The following FAF1 variants were observed in gnomAD, a reference collection of about 807,000 sequenced individuals.
The protein encoded by FAF1 is FAS-associated factor 1.
In FAF1, 25 loss-of-function variants were observed where a neutral mutation model predicts 92.5. That is an observed-to-expected ratio of 0.27 (90% confidence interval 0.20 to 0.38). The LOEUF (loss-of-function observed/expected upper bound fraction) is 0.38. Among genes scored for constraint, FAF1 ranks in the 10% least tolerant of loss-of-function variants. FAF1 has a pLI of 1.00. For missense variants in FAF1, 636 were observed against 793.3 expected (o/e 0.80, Z 2.38); for synonymous variants, 234 against 273.2 (o/e 0.86, Z 1.42).
At chr1:50,559,251 A>C (rs1450105664) in intron 13 of FAF1, among the ~76,000 whole-genome samples, 1 of 140,792 alleles carries the variant, frequency 7.1e-6, no homozygotes, top group African/African-American at 2.8e-5. Context: ...ACTCCGTCTC[A>C]AAAAAAAAAA....
rs1007078493 is a variant in FAF1, at chr1:50,566,150, C to T, written c.1268+927G>A. Among the ~76,000 whole-genome samples the T allele has an allele frequency of 3.9e-5, 6 of 151,982 alleles. No homozygotes were observed. In the South Asian group the frequency reaches 1.2e-3, roughly 32 times the overall value. On this transcript the variant is annotated intron_variant, in intron 13 of 18. Coordinates refer to ENST00000396153, the MANE Select transcript of FAF1 (RefSeq NM_007051.3). ...ATGAAATAGCTTCAACATTATTTTGCCTCACATTTAAGGAAAGAATCATGT... is the reference window on the plus strand; with the variant it reads ...ATGAAATAGCTTCAACATTATTTTGTCTCACATTTAAGGAAAGAATCATGT...
intron 1 of FAF1, among the ~76,000 whole-genome samples, chr1:50,944,094 A>G (rs12096420): frequency 0.02 from 3,055 of 152,278 alleles, 100 homozygotes; most frequent in African/African-American, 0.071. Context: ...TACCCCACAG[A>G]ATCTGAGTGA....
chr1:50,959,761 C>G lies in FAF1; in HGVS notation c.45+6G>C, dbSNP rs1252169251. On this transcript the variant is annotated splice_donor_region_variant and intron_variant, in intron 1 of 18. Transcript: ENST00000396153. ...AGTGGGAGGGGAAGAGGGCCAGATA[C>G]TTCACCTGAAAATCCGCCAGGATCA... 2 of 1,601,440 alleles carry G rather than the reference C, an allele frequency of 1.2e-6. No homozygotes were observed. Among genetic ancestry groups the G allele is most frequent in the Non-Finnish European group, 1.7e-6 (2 of 1,173,434 alleles).
At chr1:50,676,129 A>C (rs1165503446) in intron 7 of FAF1, among the ~76,000 whole-genome samples, 1 of 152,218 alleles carries the variant, frequency 6.6e-6, no homozygotes, top group Non-Finnish European at 1.5e-5. Context: ...AACTAGGGCC[A>C]GGCACAGTGG....
intron 7 of FAF1, among the ~76,000 whole-genome samples, chr1:50,678,776 C>CAAAAAAA (rs58946586): frequency 7.2e-5 from 1 of 13,938 alleles, no homozygotes; most frequent in East Asian, 4.7e-3. Flanking sequence ...GACTCCATCT[C>CAAAAAAA]AAAAAAAAAA....
At chr1:50,911,534 A>C (rs1644885709) in intron 1 of FAF1, among the ~76,000 whole-genome samples, 1 of 151,186 alleles carries the variant, frequency 6.6e-6, no homozygotes, top group Non-Finnish European at 1.5e-5. Flanking sequence ...CATCTCTACC[A>C]AAAAACACAA....
At chr1:50,755,225 T>A (rs1660028435) in intron 4 of FAF1, among the ~76,000 whole-genome samples, 1 of 152,272 alleles carries the variant, frequency 6.6e-6, no homozygotes, top group Non-Finnish European at 1.5e-5. Flanking sequence ...ACTTCCTAGA[T>A]ACAATGGGGG....
At chr1:50,794,789 ATTTTTT>A (rs59806816) in intron 3 of FAF1, among the ~76,000 whole-genome samples, 3 of 123,494 alleles carry the variant, frequency 2.4e-5, no homozygotes, top group South Asian at 5.3e-4. Flanking sequence ...TCACCCAGCT[ATTTTTT>A]TTTTTTTTTT....
intron 15 of FAF1, among the ~76,000 whole-genome samples, chr1:50,532,869 T>C (rs1307935808): frequency 6.6e-6 from 1 of 152,208 alleles, no homozygotes; most frequent in Non-Finnish European, 1.5e-5. Context: ...TGGAGTATAG[T>C]GGTGCAAGCA....
At position 50,845,839 on chromosome 1, in the gene FAF1, G is replaced by A. The variant is rs1279817372; in HGVS notation, c.114+12090C>T. The stretch of plus-strand genomic sequence containing the variant: ...TCTTAGCATAAATAAAGGAAGACTC[G>A]TGGCCAGGCGTGGTGGCTCATGCCT... On this transcript the variant is annotated intron_variant, in intron 2 of 18. Transcript: ENST00000396153. 3.3e-5 allele frequency among the ~76,000 whole-genome samples: 5 copies of A among 151,898 alleles called. No homozygotes were observed. In the South Asian group the frequency reaches 6.2e-4, roughly 19 times the overall value.
At chr1:50,700,156 T>A (rs1657404099) in intron 7 of FAF1, among the ~76,000 whole-genome samples, 1 of 152,140 alleles carries the variant, frequency 6.6e-6, no homozygotes. Context: ...CCCCCCTTTT[T>A]TTTTTTATTT....
intron 4 of FAF1, among the ~76,000 whole-genome samples, chr1:50,781,613 C>G (rs1448592403): frequency 6.6e-6 from 1 of 152,124 alleles, no homozygotes; most frequent in Non-Finnish European, 1.5e-5. Flanking sequence ...ACCAGATGAT[C>G]AATATGGAAA....
intron 5 of FAF1, among the ~76,000 whole-genome samples, chr1:50,741,134 G>A (rs1005341207): frequency 6.6e-6 from 1 of 152,232 alleles, no homozygotes; most frequent in African/African-American, 2.4e-5. Context: ...TAATACTGGT[G>A]TGATGGAGAA....
At chr1:50,930,644 G>C (rs182494316) in intron 1 of FAF1, among the ~76,000 whole-genome samples, 18 of 152,222 alleles carry the variant, frequency 1.2e-4, no homozygotes, top group Non-Finnish European at 2.2e-4. Context: ...GACCATCCTG[G>C]CTAACACAGT....
intron 18 of FAF1, among the ~76,000 whole-genome samples, chr1:50,446,099 T>C (rs1359599703): frequency 6.6e-6 from 1 of 152,024 alleles, no homozygotes; most frequent in African/African-American, 2.4e-5. Flanking sequence ...ATGTTTGGGG[T>C]TGTGGGGGGG....
intron 13 of FAF1, among the ~76,000 whole-genome samples, chr1:50,542,942 A>G (rs1010242462): frequency 6.6e-6 from 1 of 152,250 alleles, no homozygotes; most frequent in Non-Finnish European, 1.5e-5. Flanking sequence ...ATAGTTAATC[A>G]TAAGTCAGAT....
chr1:50,451,455 C>T (rs1646292773), intron 18 of FAF1, among the ~76,000 whole-genome samples: 1 of 152,202 alleles, frequency 6.6e-6, no homozygotes, highest in African/African-American at 2.4e-5. Context: ...ATTATATAAT[C>T]TGCCTAAGAA....
chr1:50,918,883 T>C (rs12724686), intron 1 of FAF1, among the ~76,000 whole-genome samples: 4,258 of 150,754 alleles, frequency 0.028, 124 homozygotes, highest in Admixed American at 0.1. Flanking sequence ...ATGATTGCCA[T>C]TCTAACTGGT....
Position 50,755,903 on chromosome 1 carries a change from C to T in FAF1, c.368-11128G>A, listed in dbSNP as rs12076309. 2.5e-3 allele frequency among the ~76,000 whole-genome samples: 374 copies of T among 152,292 alleles called. 3 individuals carry two copies. Among genetic ancestry groups the T allele is most frequent in the African/African-American group, 8.5e-3 (354 of 41,554 alleles). ...CAGCTGGGATGCAAGGCACCAAGTC[C>T]CTAGGCTGCACACAGCACAGGGACC... On this transcript the variant is annotated intron_variant, in intron 4 of 18. Transcript: ENST00000396153.
Sources: allele counts gnomAD v4.1 joint callset (sites outside exome capture counted in the v4.1 genomes callset), GRCh38; gene constraint gnomAD v4.1.1; transcripts MANE v1.5; gene names NCBI Gene and HGNC (gene_info 2026-07-23, HGNC 2026-07-21).